Variants in STK24 observed in about 807,000 individuals in gnomAD.
STK24 encodes the protein serine/threonine-protein kinase 24.
In STK24, 21 loss-of-function variants were observed where a neutral mutation model predicts 55.6. The ratio of observed to expected loss-of-function variants is 0.38; its 90% confidence interval spans 0.27 to 0.54. STK24 has a LOEUF of 0.54. Among genes scored for constraint, STK24 ranks in the 20% least tolerant of loss-of-function variants. STK24 has a pLI of 0.79. For missense variants in STK24, 383 were observed against 538.4 expected, an observed-to-expected ratio of 0.71 and a Z score of 2.86; for synonymous variants, 200 against 215.2, an observed-to-expected ratio of 0.93 and a Z score of 0.62.
chr13:98,571,187 T>G (rs998029400), intron 1 of STK24, among the ~76,000 whole-genome samples: 2 of 152,196 alleles, frequency 1.3e-5, no homozygotes, highest in African/African-American at 4.8e-5. Context: ...AAAGTAGCAG[T>G]GACCATCGAC....
chr13:98,517,081 C>T (rs1896092857), intron 2 of STK24, among the ~76,000 whole-genome samples: 1 of 152,220 alleles, frequency 6.6e-6, no homozygotes, highest in Non-Finnish European at 1.5e-5. Flanking sequence ...ATGTTTTGAA[C>T]CACTGATCCT....
intron 2 of STK24, among the ~76,000 whole-genome samples, chr13:98,513,751 A>C (rs1895962566): frequency 6.6e-6 from 1 of 152,214 alleles, no homozygotes; most frequent in African/African-American, 2.4e-5. Context: ...ATCTCAATGA[A>C]AGCGCGGCTG....
rs1174064010 is a variant in STK24 at position 98,450,619 on chromosome 13, C to G, written c.*2554G>C. The G allele has an allele frequency of 6.6e-6, 1 of 152,260 alleles. No individual in the cohort carries two copies. Among genetic ancestry groups the G allele is most frequent in the Non-Finnish European group, 1.5e-5 (1 of 68,080 alleles). 9.4% of individuals were successfully genotyped at this position (152,260 alleles called of 1,614,324 possible). On this transcript the variant is annotated 3_prime_UTR_variant, in exon 11 of 11. Transcript: ENST00000539966. ...GCCCTCGTCTCCCAGAGGCTGAGTA[C>G]CTCCCCAGGCTGCAGGCTCTGGGCA... is the stretch of plus-strand genomic sequence containing the variant.
intron 2 of STK24, among the ~76,000 whole-genome samples, chr13:98,502,446 G>A (rs939538425): frequency 6.6e-6 from 1 of 152,146 alleles, no homozygotes; most frequent in Non-Finnish European, 1.5e-5. Context: ...ATAATGCTAC[G>A]ATTTGAATGT....
chr13:98,453,231 G>T, intron 10 of STK24, 22 bp from the exon 11 acceptor site: 1 of 1,607,990 alleles, frequency 6.2e-7, no homozygotes, highest in Non-Finnish European at 8.5e-7. Flanking sequence ...GAGAGAGAGA[G>T]AAGTCAACAC....
intron 5 of STK24, among the ~76,000 whole-genome samples, chr13:98,473,984 G>GT (rs1894266104): frequency 6.6e-6 from 1 of 152,208 alleles, no homozygotes; most frequent in African/African-American, 2.4e-5. Context: ...TCTGAGTTAG[G>GT]TATTTGTTTG....
At position 98,519,340 on chromosome 13, in the gene STK24, T is replaced by G; in HGVS notation, c.176A>C (p.Glu59Ala). ...AATGTCCTCTATCTCATCTTCAGCT[T>G]CTTCCAGATCAATGATCTTTATGGC... ...VVAIKIIDLE[E>A]AEDEIEDIQQ... The change falls in exon 2 of 11, where the codon GAA (glutamate) becomes GCA (alanine). Residue 59 changes from glutamate to alanine, a missense_variant. Glu to Ala is a moderately radical substitution (Grantham distance 107, BLOSUM62 -1). Coordinates refer to ENST00000539966, the MANE Select transcript of STK24 (RefSeq NM_001032296.4). The G allele has an allele frequency of 6.2e-7, 1 of 1,614,254 alleles. No homozygotes were observed. The highest frequency in any genetic ancestry group is 8.5e-7 in the Non-Finnish European group (1 of 1,180,050).
chr13:98,453,281 C>A, intron 10 of STK24, 72 bp from the exon 11 acceptor site: 2 of 1,474,960 alleles, frequency 1.4e-6, no homozygotes, highest in Admixed American at 2.1e-5. Flanking sequence ...CATATAGTAA[C>A]CAAAATCTTA....
intron 2 of STK24, among the ~76,000 whole-genome samples, chr13:98,511,479 G>C (rs1406858884): frequency 2.0e-5 from 3 of 152,134 alleles, no homozygotes; most frequent in Admixed American, 2.0e-4. Flanking sequence ...AAAAACTTAT[G>C]TTCATACCAA....
At position 98,445,379 on chromosome 13, in the gene STK24, G is replaced by C. The variant is rs1892760064; in HGVS notation, c.*7794C>G. 6.6e-6 allele frequency: 1 copy of C among 152,260 alleles called. No individual in the cohort carries two copies. The highest frequency in any genetic ancestry group is 3.2e-3 in the Middle Eastern group (1 of 316). 9.4% of individuals were successfully genotyped at this position (152,260 alleles called of 1,614,324 possible). A position where few individuals can be genotyped will look rare whatever the true frequency, so the allele number is the denominator to read the frequency against. On this transcript the variant is annotated 3_prime_UTR_variant, in exon 11 of 11. Coordinates refer to ENST00000539966, the MANE Select transcript of STK24 (RefSeq NM_001032296.4). ...CAGTGCGTCAGGCCTGCTCAGAGTTGTTTGGAGGTAGCATGGACACAGGTG... is the reference window on the plus strand; with the variant it reads ...CAGTGCGTCAGGCCTGCTCAGAGTTCTTTGGAGGTAGCATGGACACAGGTG...
intron 1 of STK24, among the ~76,000 whole-genome samples, chr13:98,550,723 T>TA (rs200958036): frequency 0.022 from 3,292 of 152,088 alleles, 137 homozygotes; most frequent in African/African-American, 0.075. Flanking sequence ...GGCTCAAAGG[T>TA]AAAAAAATAC....
At chr13:98,502,227 G>A (rs1160079176) in intron 2 of STK24, among the ~76,000 whole-genome samples, 4 of 152,136 alleles carry the variant, frequency 2.6e-5, no homozygotes, top group African/African-American at 9.7e-5. Flanking sequence ...GAAGTTCTGG[G>A]TGCAGGGCCA....
At chr13:98,482,914 G>C (rs1366533111) in intron 2 of STK24, among the ~76,000 whole-genome samples, 1 of 152,202 alleles carries the variant, frequency 6.6e-6, no homozygotes, top group Non-Finnish European at 1.5e-5. Context: ...TCTCCCCTCA[G>C]GGAGCTTTCC....
intron 2 of STK24, among the ~76,000 whole-genome samples, 182 bp from the exon 3 acceptor site, chr13:98,482,503 C>G (rs1894631008): frequency 6.6e-6 from 1 of 152,196 alleles, no homozygotes; most frequent in Non-Finnish European, 1.5e-5. Context: ...GGGACACCCC[C>G]ATCATGCTCT....
At chr13:98,462,793 C>T (rs148135238) in intron 7 of STK24, among the ~76,000 whole-genome samples, 242 of 152,290 alleles carry the variant, frequency 1.6e-3, no homozygotes, top group Middle Eastern at 0.014. Flanking sequence ...CACTCGGCTT[C>T]CCGCACCACA....
chr13:98,461,975 CG>C, intron 7 of STK24, 78 bp from the exon 8 acceptor site: 1 of 1,572,392 alleles, frequency 6.4e-7, no homozygotes, highest in Non-Finnish European at 8.7e-7. Flanking sequence ...AGGGGGAGGC[CG>C]CCTGGGGACC....
intron 9 of STK24, among the ~76,000 whole-genome samples, 163 bp from the exon 10 acceptor site, chr13:98,457,467 T>C (rs1222765649): frequency 4.4e-4 from 7 of 16,084 alleles, no homozygotes; most frequent in Non-Finnish European, 1.6e-3. Context: ...TCAAATTGCT[T>C]TTTTTTTTTT....
rs1893043814 is a variant in STK24, at chr13:98,448,953, C to CAAGTT, written c.*4215_*4219dup. 6.6e-6 allele frequency: 1 copy of CAAGTT among 152,200 alleles called. No individual in the cohort carries two copies. Among genetic ancestry groups the CAAGTT allele is most frequent in the Non-Finnish European group, 1.5e-5 (1 of 68,062 alleles). 9.4% of individuals were successfully genotyped at this position (152,200 alleles called of 1,614,324 possible). A position where few individuals can be genotyped will look rare whatever the true frequency, so the allele number is the denominator to read the frequency against. ...CCTGTTCCCAACCTACTTCTTGGTG[C>CAAGTT]AAGTTGACCAAATCGTTTTAAGTGG... On this transcript the variant is annotated 3_prime_UTR_variant, in exon 11 of 11. Transcript: ENST00000539966.
chr13:98,498,627 AC>A (rs796919685), intron 2 of STK24, among the ~76,000 whole-genome samples: 9 of 152,226 alleles, frequency 5.9e-5, no homozygotes, highest in African/African-American at 2.2e-4. Context: ...CTAGGGCTGG[AC>A]CTGGCTGCCC....
Sources: gnomAD v4.1 joint callset for allele counts (sites outside exome capture counted in the v4.1 genomes callset) on GRCh38, gnomAD v4.1.1 for gene constraint, MANE v1.5 for transcripts, NCBI Gene and HGNC (gene_info 2026-07-23, HGNC 2026-07-21) for gene names.